RNF169: variants seen among roughly 807,000 people sequenced by gnomAD.
RNF169 encodes E3 ubiquitin-protein ligase RNF169.
In RNF169, 24 loss-of-function variants were observed where a neutral mutation model predicts 53.9. The observed-to-expected ratio is 0.45, with a 90% CI of 0.32 to 0.63. The LOEUF is 0.63. RNF169 is among the 20% of genes least tolerant of loss of function. The pLI is 0.04. For synonymous variants in RNF169, 396 were observed against 363.5 expected, an observed-to-expected ratio of 1.09 and a Z score of -1.02; for missense variants, 883 against 906.2, an observed-to-expected ratio of 0.97 and a Z score of 0.33.
chr11:74,784,577 A>G (rs505688), intron 1 of RNF169, among the ~76,000 whole-genome samples: 100,802 of 152,166 alleles, frequency 0.66, 34,334 homozygotes, highest in African/African-American at 0.81. Flanking sequence ...GTGACAACGT[A>G]TGAAATGTTC....
chr11:74,788,063 A>C (rs1398584198), intron 1 of RNF169, among the ~76,000 whole-genome samples: 1 of 152,162 alleles, frequency 6.6e-6, no homozygotes, highest in African/African-American at 2.4e-5. Flanking sequence ...TACTCTGGCA[A>C]ATTTAATCAG....
At chr11:74,785,387 T>A (rs2035485569) in intron 1 of RNF169, among the ~76,000 whole-genome samples, 1 of 149,264 alleles carries the variant, frequency 6.7e-6, no homozygotes, top group South Asian at 2.1e-4. Context: ...TACTCTCGCT[T>A]AATTGACAGA....
intron 3 of RNF169, among the ~76,000 whole-genome samples, chr11:74,814,421 A>C (rs1591422979): frequency 8.1e-6 from 1 of 123,642 alleles, no homozygotes; most frequent in Non-Finnish European, 1.6e-5. Context: ...TCACTGTGTC[A>C]CCCAGGCTGG....
intron 1 of RNF169, among the ~76,000 whole-genome samples, chr11:74,784,316 CAT>C (rs1160917363): frequency 2.0e-5 from 3 of 152,142 alleles, no homozygotes; most frequent in South Asian, 4.1e-4. Context: ...CAGTTCATGA[CAT>C]GTGTTGTATG....
At chr11:74,752,191 C>A (rs539449365) in intron 1 of RNF169, among the ~76,000 whole-genome samples, 1 of 143,318 alleles carries the variant, frequency 7.0e-6, no homozygotes, top group South Asian at 2.2e-4. Flanking sequence ...AAGATTGCAC[C>A]GCTGCACTCT....
At chr11:74,750,654 A>G (rs1251997144) in intron 1 of RNF169, among the ~76,000 whole-genome samples, 2 of 120,648 alleles carry the variant, frequency 1.7e-5, no homozygotes, top group Non-Finnish European at 3.1e-5. Flanking sequence ...CTGGAGTGTA[A>G]TGGTGCGATC....
chr11:74,787,742 G>T (rs2035524526), intron 1 of RNF169, among the ~76,000 whole-genome samples: 1 of 152,122 alleles, frequency 6.6e-6, no homozygotes, highest in African/African-American at 2.4e-5. Flanking sequence ...GGGGCAATTT[G>T]GTGTTCCTCT....
intron 1 of RNF169, among the ~76,000 whole-genome samples, chr11:74,771,611 G>A (rs571324449): frequency 5.3e-5 from 8 of 152,290 alleles, no homozygotes; most frequent in African/African-American, 1.4e-4. Flanking sequence ...GGCTGAGGTG[G>A]GAGGATTGCT....
intron 4 of RNF169, among the ~76,000 whole-genome samples, chr11:74,819,663 C>G (rs2035983821): frequency 6.6e-6 from 1 of 152,088 alleles, no homozygotes; most frequent in Non-Finnish European, 1.5e-5. Flanking sequence ...AGGGAGGGCT[C>G]TAGGAGCTTA....
chr11:74,779,315 C>T (rs922191060), intron 1 of RNF169, among the ~76,000 whole-genome samples: 1 of 152,038 alleles, frequency 6.6e-6, no homozygotes, highest in African/African-American at 2.4e-5. Context: ...AGTAGTACTA[C>T]TACTACCATA....
chr11:74,788,750 C>T (rs182632954), intron 1 of RNF169, among the ~76,000 whole-genome samples: 5 of 152,208 alleles, frequency 3.3e-5, no homozygotes, highest in Admixed American at 1.3e-4. Context: ...TGATTAATTT[C>T]TCCATATAGC....
chr11:74,765,886 G>T (rs1026774140), intron 1 of RNF169, among the ~76,000 whole-genome samples: 31 of 150,416 alleles, frequency 2.1e-4, no homozygotes, highest in African/African-American at 7.3e-4. Flanking sequence ...AGTAACAGCA[G>T]ATTAACCCCA....
At chr11:74,793,631 G>A (rs1190216719) in intron 2 of RNF169, among the ~76,000 whole-genome samples, 1 of 152,204 alleles carries the variant, frequency 6.6e-6, no homozygotes, top group Admixed American at 6.5e-5. Flanking sequence ...ACTAAGGACA[G>A]GGAGCTGTGT....
intron 4 of RNF169, among the ~76,000 whole-genome samples, chr11:74,834,197 A>C (rs2135152529): frequency 6.6e-6 from 1 of 152,332 alleles, no homozygotes; most frequent in Non-Finnish European, 1.5e-5. Flanking sequence ...TAATGGATTA[A>C]AGGAGAGACT....
At chr11:74,833,552 C>G (rs905282967) in intron 4 of RNF169, among the ~76,000 whole-genome samples, 2 of 151,998 alleles carry the variant, frequency 1.3e-5, no homozygotes, top group South Asian at 4.1e-4. Context: ...CCTATGCATA[C>G]TTTTTTTTGT....
intron 1 of RNF169, among the ~76,000 whole-genome samples, chr11:74,754,134 G>A (rs2034943327): frequency 6.6e-6 from 1 of 152,042 alleles, no homozygotes; most frequent in Non-Finnish European, 1.5e-5. Context: ...CAGGTCTTTG[G>A]GAAACATTAG....
At chr11:74,761,639 C>T (rs866972750) in intron 1 of RNF169, among the ~76,000 whole-genome samples, 1 of 152,060 alleles carries the variant, frequency 6.6e-6, no homozygotes, top group African/African-American at 2.4e-5. Flanking sequence ...GAATATTGGC[C>T]CCCACTCTTT....
At chr11:74,823,519 T>TGAGC (rs972118930) in intron 4 of RNF169, among the ~76,000 whole-genome samples, 17 of 152,248 alleles carry the variant, frequency 1.1e-4, no homozygotes, top group African/African-American at 4.1e-4. Flanking sequence ...GAGGATTGCT[T>TGAGC]GAGCTCTGGA....
At position 74,749,100 on chromosome 11, in the gene RNF169, C is replaced by A; in HGVS notation, c.220C>A (p.Pro74Thr). Reference sequence around the variant, plus strand: ...ATCGGGCTGCGCCGGGTGCCTGGAGCCCCCCGGAGAAGCAGCGGCCCTGCC... The same window carrying A: ...ATCGGGCTGCGCCGGGTGCCTGGAGACCCCCGGAGAAGCAGCGGCCCTGCC... ...EESGCAGCLE[P>T]PGEAAALPCG... Residue 74 changes from proline (P) to threonine (T), a missense_variant, in exon 1 of 6, where the codon CCC becomes ACC. Around this residue, in one of 3 missense-constraint regions of RNF169, gnomAD observed 313 missense variants for 279.9 expected, o/e 1.12. Coordinates refer to ENST00000299563, the MANE Select transcript of RNF169 (RefSeq NM_001098638.2). 7.0e-7 allele frequency: 1 copy of A among 1,427,300 alleles called. No homozygotes were observed. Among genetic ancestry groups the A allele is most frequent in the Non-Finnish European group, 9.2e-7 (1 of 1,088,722 alleles). 88.4% of individuals were successfully genotyped at this position (1,427,300 alleles called of 1,614,324 possible). A position where few individuals can be genotyped will look rare whatever the true frequency, so the allele number is the denominator to read the frequency against.
Sources: gnomAD v4.1 joint callset for allele counts (sites outside exome capture counted in the v4.1 genomes callset) on GRCh38, gnomAD v4.1.1 for gene constraint, gnomAD v4.1.1 regional missense constraint, MANE v1.5 for transcripts, NCBI Gene and HGNC (gene_info 2026-07-23, HGNC 2026-07-21) for gene names.